The following MICU3 variants were observed in gnomAD, a reference collection of about 807,000 sequenced individuals.
MICU3 encodes the protein calcium uptake protein 3, mitochondrial.
MICU3 carries 62 observed loss-of-function variants against 66.5 expected under a neutral mutation model. The observed-to-expected ratio is 0.93, with a 90% CI of 0.76 to 1.15. The LOEUF (loss-of-function observed/expected upper bound fraction) is 1.15, where lower values mean the gene tolerates loss of function less well. Ranked by LOEUF, MICU3 falls within the 50% of genes most tolerant of loss-of-function variation. The pLI is 0.00. For missense variants in MICU3, 779 were observed against 664.4 expected, an observed-to-expected ratio of 1.17 and a Z score of -1.90; for synonymous variants, 308 against 240.7, an observed-to-expected ratio of 1.28 and a Z score of -2.59.
In MICU3 at chr8:17,027,580, A is replaced by G. The variant is rs976292433; in HGVS notation, c.301A>G (p.Lys101Glu). ...CTCGCCGGCGACCGGGCGACCCTCA[A>G]AGAGCGCGGCCACGGAGCCCGAGGA... ...AGSPATGRPS[K>E]SAATEPEDPP... The change falls in exon 1 of 15, where the codon AAG becomes GAG. Residue 101 changes from lysine to glutamate, a missense_variant. Transcript: ENST00000318063. The G allele has an allele frequency of 9.7e-5, 125 of 1,288,938 alleles. No individual in the cohort carries two copies. The highest frequency in any genetic ancestry group is 8.8e-4 in the Middle Eastern group (3 of 3,400). 79.8% of individuals were successfully genotyped at this position (1,288,938 alleles called of 1,614,324 possible).
chr8:17,105,584 G>C lies in MICU3; in HGVS notation c.1257G>C (p.Lys419Asn), dbSNP rs761070942. Residue 419 changes from lysine to asparagine, a missense_variant and splice_region_variant, in exon 11 of 15, where the codon AAG (lysine) becomes AAC (asparagine). Physicochemically the swap from Lys to Asn is moderately conservative, Grantham distance 94 (BLOSUM62 0). Transcript: ENST00000318063. Reference sequence around the variant, plus strand: ...TGCGTTACAGTATACCTGAAGAAAAGGTATCTAATCCTCATATTTAGTTGG... The same window carrying C: ...TGCGTTACAGTATACCTGAAGAAAACGTATCTAATCCTCATATTTAGTTGG... Reference protein sequence around the residue: ...ENVRYSIPEEKGITFDEFRSF... With the variant: ...ENVRYSIPEENGITFDEFRSF... 6.7e-7 allele frequency: 1 copy of C among 1,499,084 alleles called. No individual in the cohort carries two copies. Among genetic ancestry groups the C allele is most frequent in the East Asian group, 2.4e-5 (1 of 41,346 alleles). The allele number at this position is 1,499,084 out of a possible 1,614,324, so 92.9% of individuals were successfully genotyped here. A position where few individuals can be genotyped will look rare whatever the true frequency, so the allele number is the denominator to read the frequency against.
intron 9 of MICU3, among the ~76,000 whole-genome samples, chr8:17,100,663 T>C (rs1387647530): frequency 1.3e-5 from 2 of 151,730 alleles, no homozygotes; most frequent in Non-Finnish European, 3.0e-5. Flanking sequence ...ATAGGGAAAT[T>C]GGGTTATTAG....
intron 1 of MICU3, among the ~76,000 whole-genome samples, chr8:17,040,497 TG>T (rs556826983): frequency 1.3e-5 from 2 of 152,230 alleles, no homozygotes; most frequent in South Asian, 4.1e-4. Flanking sequence ...AATAGATGTC[TG>T]TTACCTTGTA....
chr8:17,122,796 A>G (rs1488018649), downstream of MICU3, among the ~76,000 whole-genome samples: 1 of 152,002 alleles, frequency 6.6e-6, no homozygotes, highest in East Asian at 1.9e-4. Flanking sequence ...TATCTCATCA[A>G]CACCTTTGTG....
intron 11 of MICU3, among the ~76,000 whole-genome samples, chr8:17,110,974 C>G (rs894861287): frequency 2.6e-5 from 4 of 152,092 alleles, no homozygotes; most frequent in African/African-American, 9.7e-5. Context: ...TATGTAAATA[C>G]CACAATTTGT....
chr8:17,137,209 C>T, the MICU3 span, among the ~76,000 whole-genome samples: 1 of 151,894 alleles, frequency 6.6e-6, no homozygotes, highest in Non-Finnish European at 1.5e-5. Flanking sequence ...CCTATGTACC[C>T]CTATCTAAGT....
chr8:17,049,487 A>G, intron 1 of MICU3: 1 of 479,714 alleles, frequency 2.1e-6, no homozygotes, highest in Non-Finnish European at 4.1e-6. Context: ...GTTTTCATTT[A>G]ATCTTTACAG....
Position 17,098,438 on chromosome 8 carries a change from G to A in MICU3, c.889-20G>A. ...TAACTATTCTTTAGATTTCAGTTGTGCTTCTTAAAACTTCTACAGGTACTT... is the reference window on the plus strand; with the variant it reads ...TAACTATTCTTTAGATTTCAGTTGTACTTCTTAAAACTTCTACAGGTACTT... On this transcript the variant is annotated intron_variant, in intron 8 of 14. Coordinates refer to ENST00000318063, the MANE Select transcript of MICU3 (RefSeq NM_181723.3). 6.9e-7 allele frequency: 1 copy of A among 1,446,110 alleles called. No individual in the cohort carries two copies. Among genetic ancestry groups the A allele is most frequent in the Non-Finnish European group, 9.7e-7 (1 of 1,027,350 alleles). The allele number at this position is 1,446,110 out of a possible 1,614,324, so 89.6% of individuals were successfully genotyped here.
chr8:17,101,257 G>C (rs1438115914), intron 9 of MICU3, among the ~76,000 whole-genome samples: 1 of 151,640 alleles, frequency 6.6e-6, no homozygotes, highest in Non-Finnish European at 1.5e-5. Context: ...AAACACCCGA[G>C]TTCATTTTAT....
chr8:17,038,964 A>AT (rs1000787571), intron 1 of MICU3, among the ~76,000 whole-genome samples: 12 of 150,236 alleles, frequency 8.0e-5, no homozygotes, highest in Middle Eastern at 3.4e-3. Context: ...AAAAAAAAAA[A>AT]AAATAAATAA....
intron 1 of MICU3, among the ~76,000 whole-genome samples, chr8:17,038,943 A>G (rs1480322147): frequency 7.4e-6 from 1 of 134,914 alleles, no homozygotes; most frequent in Non-Finnish European, 1.5e-5. Flanking sequence ...ACAGAGCGAG[A>G]CTCTGTCTCA....
intron 13 of MICU3, among the ~76,000 whole-genome samples, chr8:17,117,607 CTTTTTTTTT>C (rs1244315510): frequency 7.7e-6 from 1 of 129,444 alleles, no homozygotes; most frequent in African/African-American, 2.9e-5. Context: ...AAGTTTTATC[CTTTTTTTTT>C]TTTTTTTTTG....
chr8:17,123,732 C>T (rs1803327985), downstream of MICU3, among the ~76,000 whole-genome samples: 1 of 151,778 alleles, frequency 6.6e-6, no homozygotes, highest in South Asian at 2.1e-4. Context: ...CAATGAAATA[C>T]TATATAACTA....
intron 11 of MICU3, among the ~76,000 whole-genome samples, chr8:17,112,249 T>C (rs1003076430): frequency 1.3e-5 from 2 of 152,226 alleles, no homozygotes; most frequent in Non-Finnish European, 2.9e-5. Context: ...TCCGGTACTC[T>C]CAGTGCATGT....
At chr8:17,125,029 A>G (rs1258639599), downstream of MICU3, among the ~76,000 whole-genome samples, 1 of 151,272 alleles carries the variant, frequency 6.6e-6, no homozygotes, top group Admixed American at 6.6e-5. Flanking sequence ...TCATTTCTGG[A>G]AAAAAAATGT....
intron 11 of MICU3, among the ~76,000 whole-genome samples, chr8:17,107,822 G>T (rs1374465335): frequency 5.3e-5 from 8 of 152,190 alleles, no homozygotes. Context: ...ACAATCAACT[G>T]TGACACTCAG....
At position 17,034,132 on chromosome 8, in the gene MICU3, C is replaced by T. The variant is rs1812563101; in HGVS notation, c.381+6472C>T. 2.0e-5 allele frequency among the ~76,000 whole-genome samples: 3 copies of T among 152,170 alleles called. No individual in the cohort carries two copies. The South Asian group carries it at 6.2e-4, about 31-fold the overall frequency. ...AGTGCTCATTTACCATTCTGAAAAT[C>T]CTAGGGCCCTTAAGAATTATGCTAA... On this transcript the variant is annotated intron_variant, in intron 1 of 14. Transcript: ENST00000318063.
In MICU3 at chr8:17,077,406, C is replaced by T. The variant is rs572313338; in HGVS notation, c.568-377C>T. On this transcript the variant is annotated intron_variant, in intron 3 of 14. Coordinates refer to ENST00000318063, the MANE Select transcript of MICU3 (RefSeq NM_181723.3). Reference sequence around the variant, plus strand: ...TGAAGCCGGGTGATGTGACCATCTCCGACCTTGATATGGAAATCCATGTTT... The same window carrying T: ...TGAAGCCGGGTGATGTGACCATCTCTGACCTTGATATGGAAATCCATGTTT... 4.6e-5 allele frequency among the ~76,000 whole-genome samples: 7 copies of T among 152,248 alleles called. No homozygotes were observed. In the South Asian group the frequency reaches 8.3e-4, roughly 18 times the overall value.
chr8:17,115,811 A>G (rs1193733307), intron 12 of MICU3, among the ~76,000 whole-genome samples: 1 of 152,108 alleles, frequency 6.6e-6, no homozygotes, highest in African/African-American at 2.4e-5. Context: ...TTGAGATCCT[A>G]GATGTCCCCT....
Sources: gnomAD v4.1 joint callset for allele counts (sites outside exome capture counted in the v4.1 genomes callset) on GRCh38, gnomAD v4.1.1 for gene constraint, MANE v1.5 for transcripts, NCBI Gene and HGNC (gene_info 2026-07-23, HGNC 2026-07-21) for gene names.